The following TXK variants were observed in gnomAD, a reference collection of about 807,000 sequenced individuals.
TXK encodes the protein TXK tyrosine kinase.
A neutral mutation model predicts 81.0 loss-of-function variants in TXK; 60 were observed. That is an observed-to-expected ratio of 0.74 (90% CI 0.60 to 0.92). The LOEUF is 0.92. Ranked by LOEUF, TXK falls within the 40% of genes least tolerant of loss-of-function variation. TXK has a pLI of 0.00. For synonymous variants in TXK, 203 were observed against 210.7 expected, an observed-to-expected ratio of 0.96 and a Z score of 0.32; for missense variants, 581 against 638.3, an observed-to-expected ratio of 0.91 and a Z score of 0.97.
chr4:48,093,245 T>C (rs1472619443), intron 8 of TXK, among the ~76,000 whole-genome samples: 1 of 152,232 alleles, frequency 6.6e-6, no homozygotes. Context: ...TTCCTGATAC[T>C]TAGAACCAGT....
At chr4:48,094,800 A>C (rs1185090923) in intron 7 of TXK, among the ~76,000 whole-genome samples, 1 of 152,190 alleles carries the variant, frequency 6.6e-6, no homozygotes, top group Non-Finnish European at 1.5e-5. Flanking sequence ...CAGCCAGAGA[A>C]CATCCTCAGG....
At chr4:48,103,297 T>TA (rs1718276070) in intron 6 of TXK, among the ~76,000 whole-genome samples, 2 of 152,170 alleles carry the variant, frequency 1.3e-5, no homozygotes, top group Admixed American at 6.5e-5. Flanking sequence ...CCACCTGTCA[T>TA]AAAATTTTTT....
chr4:48,072,391 T>C (rs751337157), intron 13 of TXK, among the ~76,000 whole-genome samples: 7 of 152,230 alleles, frequency 4.6e-5, no homozygotes, highest in Admixed American at 2.0e-4. Flanking sequence ...GACAGGATTA[T>C]GTGAGCCTCT....
chr4:48,110,723 A>G (rs1718607916), intron 4 of TXK, 120 bp from the exon 5 acceptor site: 2 of 747,296 alleles, frequency 2.7e-6, no homozygotes, highest in Non-Finnish European at 4.4e-6. Context: ...TTACTGATTA[A>G]ATTGTTAAAA....
chr4:48,111,174 T>C (rs1718621802), intron 4 of TXK, among the ~76,000 whole-genome samples: 1 of 152,222 alleles, frequency 6.6e-6, no homozygotes, highest in African/African-American at 2.4e-5. Flanking sequence ...ATCAGCATGG[T>C]AGAAGTTTCA....
At chr4:48,114,195 A>C (rs1238533291) in intron 2 of TXK, among the ~76,000 whole-genome samples, 153 bp downstream of exon 2, 2 of 152,214 alleles carry the variant, frequency 1.3e-5, no homozygotes, top group Non-Finnish European at 2.9e-5. Flanking sequence ...TTTGACCTAG[A>C]CCTGTAAACA....
Position 48,067,669 on chromosome 4 carries a change from G to T in TXK, c.1552C>A (p.Arg518=). Residue 518 remains arginine (R), a synonymous_variant, in exon 15 of 15, where the codon CGG becomes AGG. Transcript: ENST00000264316. ...GTTTCCGCAATCTCTGTGACAGCCC[G>T]CAGCAGCTCGGCAAATGTAGGGCGG... ...EGRPTFAELL[R]AVTEIAETW is the part of the protein sequence containing the mutation. 1 of 1,614,086 alleles carries T rather than the reference G, an allele frequency of 6.2e-7. No homozygotes were observed. Among genetic ancestry groups the T allele is most frequent in the Non-Finnish European group, 8.5e-7 (1 of 1,180,002 alleles).
chr4:48,090,802 A>G (rs1202351624), intron 8 of TXK, among the ~76,000 whole-genome samples: 4 of 152,242 alleles, frequency 2.6e-5, no homozygotes, highest in Non-Finnish European at 5.9e-5. Flanking sequence ...ACCGGATAAC[A>G]TATAATTACT....
intron 10 of TXK, 160 bp from the exon 11 acceptor site, chr4:48,080,288 T>C (rs977325605): frequency 2.4e-5 from 15 of 633,312 alleles, no homozygotes; most frequent in Non-Finnish European, 4.1e-5. Context: ...TCCTTGCCAC[T>C]TAATGCACTG....
chr4:48,113,386 A>G (rs1251251824), intron 2 of TXK, 77 bp from the exon 3 acceptor site: 8 of 1,134,366 alleles, frequency 7.1e-6, no homozygotes, highest in Non-Finnish European at 8.9e-6. Flanking sequence ...ATTTTCACAG[A>G]AATAGCAGAA....
At chr4:48,082,600 G>C (rs143295894) in intron 10 of TXK, among the ~76,000 whole-genome samples, 24 of 152,134 alleles carry the variant, frequency 1.6e-4, no homozygotes, top group Non-Finnish European at 2.8e-4. Flanking sequence ...GGTAGAAGAT[G>C]ACAGTTTCCC....
At chr4:48,119,083 C>T (rs112278378) in intron 1 of TXK, among the ~76,000 whole-genome samples, 5 of 152,252 alleles carry the variant, frequency 3.3e-5, no homozygotes, top group African/African-American at 1.2e-4. Context: ...TGTTTAGGGA[C>T]ACAACAACCT....
chr4:48,102,524 C>T (rs1718237399), intron 6 of TXK, among the ~76,000 whole-genome samples: 1 of 152,216 alleles, frequency 6.6e-6, no homozygotes, highest in South Asian at 2.1e-4. Flanking sequence ...ACCAGTTTAT[C>T]TCATTCACCA....
chr4:48,092,416 G>A (rs1717811615), intron 8 of TXK, among the ~76,000 whole-genome samples: 1 of 152,196 alleles, frequency 6.6e-6, no homozygotes, highest in Non-Finnish European at 1.5e-5. Flanking sequence ...GAGAGGACCT[G>A]AACACATGAG....
At chr4:48,090,916 T>C (rs1408074033) in intron 8 of TXK, among the ~76,000 whole-genome samples, 2 of 152,244 alleles carry the variant, frequency 1.3e-5, no homozygotes, top group Non-Finnish European at 1.5e-5. Flanking sequence ...GTGTAAATGC[T>C]GGAAGACAGA....
intron 1 of TXK, among the ~76,000 whole-genome samples, chr4:48,115,639 G>A (rs115085902): frequency 0.012 from 1,794 of 152,170 alleles, 32 homozygotes; most frequent in African/African-American, 0.039. Flanking sequence ...TTGAGCCCAG[G>A]AGTTCGAGAT....
At chr4:48,084,067 C>T (rs1717412334) in intron 10 of TXK, among the ~76,000 whole-genome samples, 1 of 152,080 alleles carries the variant, frequency 6.6e-6, no homozygotes, top group Non-Finnish European at 1.5e-5. Flanking sequence ...AGATTTTCTG[C>T]CTCACTTTTT....
chr4:48,100,471 T>C (rs1718152308), intron 6 of TXK, among the ~76,000 whole-genome samples: 1 of 152,132 alleles, frequency 6.6e-6, no homozygotes, highest in Non-Finnish European at 1.5e-5. Context: ...ATTCCCAGAA[T>C]ACAGGAAATG....
chr4:48,113,399 AT>A, intron 2 of TXK, 90 bp from the exon 3 acceptor site: 1 of 992,356 alleles, frequency 1.0e-6, no homozygotes, highest in Non-Finnish European at 1.5e-6. Context: ...TAGCAGAAAA[AT>A]CCAGGTCTCT....
Sources: gnomAD v4.1 joint callset for allele counts (sites outside exome capture counted in the v4.1 genomes callset) on GRCh38, gnomAD v4.1.1 for gene constraint, MANE v1.5 for transcripts, NCBI Gene and HGNC (gene_info 2026-07-23, HGNC 2026-07-21) for gene names.